ATM: variants seen among roughly 807,000 people sequenced by gnomAD.
ATM encodes the protein serine-protein kinase ATM.
In ATM, 308 loss-of-function variants were observed where a neutral mutation model predicts 387.0. The observed-to-expected ratio is 0.80, with a 90% CI of 0.73 to 0.87. The LOEUF (loss-of-function observed/expected upper bound fraction) is 0.87. Among genes scored for constraint, ATM ranks in the 40% least tolerant of loss-of-function variants. The pLI is 0.00. For synonymous variants in ATM, 1,156 were observed against 1,187.3 expected, an observed-to-expected ratio of 0.97 and a Z score of 0.54; for missense variants, 3,312 against 3,560.9, an observed-to-expected ratio of 0.93 and a Z score of 1.78.
chr11:108,284,512 T>C (rs761902138), intron 26 of ATM, 39 bp downstream of exon 26: 1 of 1,609,226 alleles, frequency 6.2e-7, no homozygotes, highest in Non-Finnish European at 8.5e-7. Flanking sequence ...ATTCCCTGAA[T>C]GATATGAGAT....
At chr11:108,257,924 T>G (rs1008170056) in intron 15 of ATM, among the ~76,000 whole-genome samples, 6 of 152,118 alleles carry the variant, frequency 3.9e-5, no homozygotes, top group Non-Finnish European at 5.9e-5. Context: ...TCACCCAGAG[T>G]GAGTGATCAC....
Position 108,312,284 on chromosome 11 carries a change from A to G in ATM, c.5919-127A>G, listed in dbSNP as rs1379825498. On this transcript the variant is annotated intron_variant, in intron 39 of 62. Coordinates refer to ENST00000675843, the MANE Select transcript of ATM (RefSeq NM_000051.4). The stretch of plus-strand genomic sequence containing the variant: ...TATAAATGGTATTATGTTTTAAAGT[A>G]TAAGTGATTTATTCTGTTTTGTTTG... The G allele has an allele frequency of 1.8e-5, 13 of 719,090 alleles. No homozygotes were observed. The Admixed American group carries it at 1.8e-4, about 10-fold the overall frequency. 44.5% of individuals were successfully genotyped at this position (719,090 alleles called of 1,614,324 possible).
chr11:108,319,905 C>T (rs1399037534), intron 43 of ATM, 49 bp from the exon 44 acceptor site: 1 of 1,336,124 alleles, frequency 7.5e-7, no homozygotes. Flanking sequence ...ACATGTATAT[C>T]TTAGGGTTCT....
At chr11:108,305,708 T>TA (rs1208189965) in intron 37 of ATM, among the ~76,000 whole-genome samples, 1 of 152,216 alleles carries the variant, frequency 6.6e-6, no homozygotes, top group Admixed American at 6.5e-5. Context: ...TTCTATGACA[T>TA]ATAATGGGTA....
At chr11:108,324,311 C>A (rs1368779939) in intron 45 of ATM, among the ~76,000 whole-genome samples, 1 of 151,990 alleles carries the variant, frequency 6.6e-6, no homozygotes, top group Non-Finnish European at 1.5e-5. Flanking sequence ...GTCTTGGAAC[C>A]AATTTTCTGC....
At chr11:108,343,515 C>G in intron 57 of ATM, 144 bp downstream of exon 57, 1 of 986,526 alleles carries the variant, frequency 1.0e-6, no homozygotes, top group African/African-American at 1.6e-5. Context: ...AAAAACTCAT[C>G]AGAATGAAAG....
chr11:108,364,134 C>T (rs1023513495), intron 61 of ATM, among the ~76,000 whole-genome samples: 8 of 152,230 alleles, frequency 5.3e-5, no homozygotes, highest in Admixed American at 2.6e-4. Context: ...TAATCTAGTA[C>T]GTGTCCTGAA....
chr11:108,346,290 C>T (rs1215869277), intron 58 of ATM, among the ~76,000 whole-genome samples: 7 of 151,926 alleles, frequency 4.6e-5, no homozygotes, highest in Admixed American at 4.6e-4. Context: ...TTGCATATAA[C>T]CTCTAAATAT....
At chr11:108,301,320 G>A (rs2083420411) in intron 34 of ATM, among the ~76,000 whole-genome samples, 1 of 152,042 alleles carries the variant, frequency 6.6e-6, no homozygotes, top group African/African-American at 2.4e-5. Context: ...ATGAAGATGT[G>A]GACAAAAGGA....
At chr11:108,344,940 T>C (rs1191003677) in intron 57 of ATM, among the ~76,000 whole-genome samples, 1 of 151,896 alleles carries the variant, frequency 6.6e-6, no homozygotes, top group Admixed American at 6.6e-5. Flanking sequence ...GGGGCCAAAA[T>C]TGCAGTGAGC....
chr11:108,362,094 A>C (rs1211066746), intron 61 of ATM, among the ~76,000 whole-genome samples: 1 of 137,116 alleles, frequency 7.3e-6, no homozygotes, highest in Non-Finnish European at 1.6e-5. Flanking sequence ...ACTCAAACAA[A>C]TTTACAAGAA....
chr11:108,244,663 T>A, intron 6 of ATM, 125 bp from the exon 7 acceptor site: 1 of 807,634 alleles, frequency 1.2e-6, no homozygotes, highest in Non-Finnish European at 2.1e-6. Flanking sequence ...GTTTTGAAAT[T>A]AAGACTACTG....
intron 56 of ATM, among the ~76,000 whole-genome samples, chr11:108,338,032 T>C (rs1187440618): frequency 1.3e-5 from 2 of 152,252 alleles, no homozygotes; most frequent in African/African-American, 4.8e-5. Flanking sequence ...CACACAAAAC[T>C]ATTTTACCAT....
At position 108,367,195 on chromosome 11, in the gene ATM, G is replaced by A. The variant is rs2091375570; in HGVS notation, c.*1687G>A. 1 of 178,046 alleles carries A rather than the reference G, an allele frequency of 5.6e-6. No homozygotes were observed. The highest frequency in any genetic ancestry group is 2.4e-5 in the African/African-American group (1 of 42,252). The allele number at this position is 178,046 out of a possible 1,614,324, so 11.0% of individuals were successfully genotyped here. ...TTAGAGACGGAGTTTCACCGTGTTA[G>A]CCAGGATGGTCTCGATCGCTTGACC... On this transcript the variant is annotated 3_prime_UTR_variant, in exon 63 of 63. Transcript: ENST00000675843.
chr11:108,314,301 T>G (rs1194030114), intron 40 of ATM, among the ~76,000 whole-genome samples: 1 of 152,068 alleles, frequency 6.6e-6, no homozygotes, highest in Admixed American at 6.5e-5. Flanking sequence ...GAGATGGGTT[T>G]AGCCATGTTG....
rs876659636 is a variant in ATM at position 108,251,843 on chromosome 11, A to G, written c.1614A>G (p.Ala538=). ...GTCCTTTGTTTTGTTATAGTCCTGC[A>G]GTATGCTGTTTGACTTTGGCACTGA... ...TGSACRPSCP[A]VCCLTLALTT... is the part of the protein sequence containing the mutation. The change falls in exon 11 of 63, where the codon GCA becomes GCG. Residue 538 remains alanine, a synonymous_variant. Transcript: ENST00000675843. 3.7e-6 allele frequency: 6 copies of G among 1,613,708 alleles called. No individual in the cohort carries two copies. Among genetic ancestry groups the G allele is most frequent in the African/African-American group, 2.7e-5 (2 of 74,932 alleles).
intron 22 of ATM, among the ~76,000 whole-genome samples, chr11:108,274,103 TTGTA>T (rs2081785012): frequency 6.6e-6 from 1 of 151,996 alleles, no homozygotes; most frequent in Non-Finnish European, 1.5e-5. Flanking sequence ...AGTTGGGAGG[TTGTA>T]TGTGTCTAGG....
rs864622593 is a variant in ATM, at chr11:108,326,216, C to T, written c.6966C>T (p.Ser2322=). The change falls in exon 47 of 63, where the codon AGC becomes AGT. Residue 2322 remains serine, a synonymous_variant. Coordinates refer to ENST00000675843, the MANE Select transcript of ATM (RefSeq NM_000051.4). ...LKQMIKKLDA[S]CAANNPSLKL... ...AAATGATCAAGAAGTTGGATGCCAG[C>T]TGTGCAGCGGTTTGTTTTTTTTATT... 2.5e-6 allele frequency: 4 copies of T among 1,613,878 alleles called. No homozygotes were observed. The African/African-American group carries it at 4.0e-5, about 16-fold the overall frequency.
chr11:108,357,189 C>G (rs1023441849), intron 61 of ATM, among the ~76,000 whole-genome samples: 3 of 152,222 alleles, frequency 2.0e-5, no homozygotes, highest in Non-Finnish European at 2.9e-5. Context: ...TGACAGACGG[C>G]ACCTGGAAAA....
Sources: gnomAD v4.1 joint callset for allele counts (sites outside exome capture counted in the v4.1 genomes callset) on GRCh38, gnomAD v4.1.1 for gene constraint, MANE v1.5 for transcripts, NCBI Gene and HGNC (gene_info 2026-07-23, HGNC 2026-07-21) for gene names.